AKAP10: variants seen among roughly 807,000 people sequenced by gnomAD.
AKAP10 encodes the protein A-kinase anchoring protein 10.
AKAP10 carries 24 observed loss-of-function variants against 80.8 expected under a neutral mutation model. That is an observed-to-expected ratio of 0.30 (90% CI 0.22 to 0.42). The LOEUF (loss-of-function observed/expected upper bound fraction) is 0.42. Among genes scored for constraint, AKAP10 ranks in the 10% least tolerant of loss-of-function variants. The probability of loss-of-function intolerance (pLI) is 1.00; values close to 1 mark genes in which losing one functional copy is unlikely to be tolerated. For missense variants in AKAP10, 661 were observed against 794.9 expected, an observed-to-expected ratio of 0.83 and a Z score of 2.03; for synonymous variants, 291 against 277.7, an observed-to-expected ratio of 1.05 and a Z score of -0.48.
chr17:19,939,357 C>G (rs1378131933), intron 8 of AKAP10, among the ~76,000 whole-genome samples: 2 of 152,082 alleles, frequency 1.3e-5, no homozygotes, highest in African/African-American at 4.8e-5. Flanking sequence ...GCCACTTTCC[C>G]CTACGTTTCC....
At chr17:19,964,231 T>G (rs1269054348) in intron 2 of AKAP10, among the ~76,000 whole-genome samples, 1 of 152,212 alleles carries the variant, frequency 6.6e-6, no homozygotes, top group Non-Finnish European at 1.5e-5. Flanking sequence ...TAGATGTATA[T>G]AATGTAAAAT....
At chr17:19,931,007 C>A (rs1274365748) in intron 10 of AKAP10, among the ~76,000 whole-genome samples, 2 of 151,956 alleles carry the variant, frequency 1.3e-5, no homozygotes. Flanking sequence ...TCATGCCTGG[C>A]CAAAAAAAAA....
intron 2 of AKAP10, among the ~76,000 whole-genome samples, chr17:19,966,102 T>C (rs528564333): frequency 1.3e-5 from 2 of 152,122 alleles, no homozygotes; most frequent in African/African-American, 4.8e-5. Context: ...TAAAATAACA[T>C]ATATAACATA....
At chr17:19,968,755 GTTAC>G (rs1382302106) in intron 1 of AKAP10, among the ~76,000 whole-genome samples, 2 of 152,212 alleles carry the variant, frequency 1.3e-5, no homozygotes, top group African/African-American at 4.8e-5. Flanking sequence ...TCTTGGACAA[GTTAC>G]TTACTTCTCT....
In AKAP10 at chr17:19,958,187, T is replaced by C. The variant is rs1333248424; in HGVS notation, c.704A>G (p.His235Arg). 4.3e-6 allele frequency: 7 copies of C among 1,614,198 alleles called. No individual in the cohort carries two copies. Among genetic ancestry groups the C allele is most frequent in the South Asian group, 2.2e-5 (2 of 91,086 alleles). ...LNNRTNSTQNHLLLSQECDSA... is the reference protein window; with the variant it reads ...LNNRTNSTQNRLLLSQECDSA... Reference sequence around the variant, plus strand: ...GTCACATTCCTGGGAAAGCAGCAAGTGATTCTGAGTGCTGTTAGTTCTATT... The same window carrying C: ...GTCACATTCCTGGGAAAGCAGCAAGCGATTCTGAGTGCTGTTAGTTCTATT... Residue 235 changes from histidine to arginine, a missense_variant, in exon 4 of 15, where the codon CAC becomes CGC. Transcript: ENST00000225737.
intron 8 of AKAP10, among the ~76,000 whole-genome samples, chr17:19,939,221 TACAG>T (rs1351802343): frequency 6.6e-6 from 1 of 152,206 alleles, no homozygotes; most frequent in Non-Finnish European, 1.5e-5. Flanking sequence ...AGCAGATTTA[TACAG>T]AAAGTATAAT....
chr17:19,943,042 C>A (rs183634188), intron 5 of AKAP10, among the ~76,000 whole-genome samples: 2 of 152,164 alleles, frequency 1.3e-5, no homozygotes, highest in Admixed American at 6.5e-5. Context: ...CAGACAAGAG[C>A]TATTACGCCT....
chr17:19,954,547 C>T (rs990388530), intron 4 of AKAP10, among the ~76,000 whole-genome samples: 40 of 149,712 alleles, frequency 2.7e-4, no homozygotes, highest in African/African-American at 8.9e-4. Flanking sequence ...TGCAGTGGCG[C>T]GATCTCGGCT....
At chr17:19,907,232 G>A (rs935206631) in intron 14 of AKAP10, among the ~76,000 whole-genome samples, 7 of 151,960 alleles carry the variant, frequency 4.6e-5, no homozygotes, top group Admixed American at 1.3e-4. Context: ...TGGTCAGGCT[G>A]GCCTTGAACT....
chr17:19,959,449 C>A (rs1453000340), intron 3 of AKAP10, among the ~76,000 whole-genome samples: 1 of 152,104 alleles, frequency 6.6e-6, no homozygotes, highest in African/African-American at 2.4e-5. Flanking sequence ...TATTTTCAGT[C>A]CAGTAATTCC....
intron 12 of AKAP10, among the ~76,000 whole-genome samples, chr17:19,917,738 T>A (rs1297716527): frequency 6.6e-6 from 1 of 151,700 alleles, no homozygotes; most frequent in African/African-American, 2.4e-5. Flanking sequence ...ATGGTCAACA[T>A]AGCAAAACCC....
At chr17:19,941,076 T>G in intron 6 of AKAP10, 66 bp from the exon 7 acceptor site, 4 of 1,520,088 alleles carry the variant, frequency 2.6e-6, no homozygotes, top group Non-Finnish European at 3.5e-6. Flanking sequence ...GGGAAAAATA[T>G]ACTCTTTCCA....
intron 12 of AKAP10, among the ~76,000 whole-genome samples, chr17:19,916,451 G>C (rs142264003): frequency 6.6e-6 from 1 of 152,192 alleles, no homozygotes; most frequent in Non-Finnish European, 1.5e-5. Context: ...AATAGAACGA[G>C]CAGAGATAGT....
rs1433123328 is a variant in AKAP10, at chr17:19,955,200, C to CGACAGAGCAA, written c.877+2804_877+2813dup. 2.0e-5 allele frequency among the ~76,000 whole-genome samples: 3 copies of CGACAGAGCAA among 149,922 alleles called. No individual in the cohort carries two copies. The East Asian group carries it at 5.9e-4, about 30-fold the overall frequency. ...TTGCCTCACTGCACTCCAGCTCGGGCGACAGAGCAAGACGCTGTCTCAAAA... is the reference window on the plus strand; with the variant it reads ...TTGCCTCACTGCACTCCAGCTCGGGCGACAGAGCAAGACAGAGCAAGACGCTGTCTCAAAA... On this transcript the variant is annotated intron_variant, in intron 4 of 14. Coordinates refer to ENST00000225737, the MANE Select transcript of AKAP10 (RefSeq NM_007202.4).
At chr17:19,907,265 G>C (rs901033064) in intron 14 of AKAP10, among the ~76,000 whole-genome samples, 3 of 152,088 alleles carry the variant, frequency 2.0e-5, no homozygotes, top group African/African-American at 7.2e-5. Context: ...TGATCTGCCT[G>C]CCTCAGCCCC....
chr17:19,915,839 A>T (rs1169327838), intron 12 of AKAP10, among the ~76,000 whole-genome samples: 1 of 152,160 alleles, frequency 6.6e-6, no homozygotes, highest in African/African-American at 2.4e-5. Flanking sequence ...CCTACACTAA[A>T]TTTTCCAAAT....
chr17:19,924,520 A>G lies in AKAP10; in HGVS notation c.1642-3T>C. ...ATACTGGCTTTTTTCACACTGGACT[A>G]CAATAGAAATTGTAAAATTAGAAGT... On this transcript the variant is annotated splice_region_variant and splice_polypyrimidine_tract_variant and intron_variant, in intron 10 of 14. Coordinates refer to ENST00000225737, the MANE Select transcript of AKAP10 (RefSeq NM_007202.4). The G allele has an allele frequency of 6.4e-7, 1 of 1,570,998 alleles. No homozygotes were observed. The highest frequency in any genetic ancestry group is 8.7e-7 in the Non-Finnish European group (1 of 1,149,518).
intron 10 of AKAP10, among the ~76,000 whole-genome samples, chr17:19,927,244 G>C (rs558103978): frequency 2.0e-4 from 31 of 152,056 alleles, no homozygotes; most frequent in Non-Finnish European, 3.7e-4. Context: ...TGAAGTAAGA[G>C]GATCACTTCG....
At chr17:19,924,199 G>A (rs758840536) in intron 11 of AKAP10, among the ~76,000 whole-genome samples, 6 of 152,068 alleles carry the variant, frequency 3.9e-5, no homozygotes, top group East Asian at 1.9e-4. Flanking sequence ...AGAGGTTAGC[G>A]GCTGCCAATA....
Sources: gnomAD v4.1 joint callset for allele counts (sites outside exome capture counted in the v4.1 genomes callset) on GRCh38, gnomAD v4.1.1 for gene constraint, MANE v1.5 for transcripts, NCBI Gene and HGNC (gene_info 2026-07-23, HGNC 2026-07-21) for gene names.